Variants in MARCHF1 observed in about 807,000 individuals in gnomAD.
The protein encoded by MARCHF1 is membrane associated ring-CH-type finger 1.
Under a neutral mutation model 54.2 loss-of-function variants are expected in MARCHF1, and 40 were observed. That is an observed-to-expected ratio of 0.74 (90% CI 0.57 to 0.96). The LOEUF is 0.96. Ranked by LOEUF, MARCHF1 falls within the 40% of genes least tolerant of loss-of-function variation. The pLI is 0.00. For synonymous variants in MARCHF1, 236 were observed against 236.3 expected (o/e 1.00, Z 0.01); for missense variants, 586 against 656.5 (o/e 0.89, Z 1.17).
At chr4:163,630,291 A>C (rs1742028052) in intron 5 of MARCHF1, among the ~76,000 whole-genome samples, 1 of 151,472 alleles carries the variant, frequency 6.6e-6, no homozygotes, top group South Asian at 2.1e-4. Context: ...TGCAAAAAAT[A>C]GAAGAATCTC....
intron 2 of MARCHF1, among the ~76,000 whole-genome samples, chr4:164,030,198 CAAAAT>C (rs1753849045): frequency 6.6e-6 from 1 of 150,836 alleles, no homozygotes; most frequent in African/African-American, 2.4e-5. Flanking sequence ...AATATAAAAT[CAAAAT>C]AAACAAAAAT....
intron 1 of MARCHF1, among the ~76,000 whole-genome samples, chr4:164,193,891 C>G (rs77289943): frequency 1.6e-4 from 24 of 152,264 alleles, no homozygotes; most frequent in Admixed American, 3.9e-4. Context: ...TTCACTTACC[C>G]TAAGAAATTT....
intron 5 of MARCHF1, among the ~76,000 whole-genome samples, chr4:163,632,293 G>T (rs1255806783): frequency 6.6e-6 from 1 of 152,218 alleles, no homozygotes; most frequent in Admixed American, 6.5e-5. Context: ...CAGCCTGAGC[G>T]ACGCAGAAGA....
chr4:163,776,509 T>C (rs1418895831), intron 4 of MARCHF1, among the ~76,000 whole-genome samples: 1 of 152,104 alleles, frequency 6.6e-6, no homozygotes, highest in Non-Finnish European at 1.5e-5. Context: ...AATTTTCCAA[T>C]AGTGTTTAGC....
At chr4:164,053,683 G>A (rs1754422071) in intron 2 of MARCHF1, among the ~76,000 whole-genome samples, 1 of 152,088 alleles carries the variant, frequency 6.6e-6, no homozygotes, top group Non-Finnish European at 1.5e-5. Context: ...CACTCCCAAA[G>A]ATAAAAATGA....
At chr4:164,321,052 C>T (rs558680508) in intron 1 of MARCHF1, among the ~76,000 whole-genome samples, 8 of 152,198 alleles carry the variant, frequency 5.3e-5, no homozygotes, top group Admixed American at 2.6e-4. Flanking sequence ...TGTGACACAA[C>T]GGCCACTAGG....
At chr4:164,244,855 T>C (rs1732890802) in intron 1 of MARCHF1, among the ~76,000 whole-genome samples, 2 of 151,804 alleles carry the variant, frequency 1.3e-5, no homozygotes, top group Admixed American at 1.3e-4. Context: ...CTAGAAAATC[T>C]AGAAGAAATG....
chr4:163,566,158 T>C (rs1378160815), intron 8 of MARCHF1, among the ~76,000 whole-genome samples: 2 of 152,340 alleles, frequency 1.3e-5, no homozygotes, highest in South Asian at 2.1e-4. Flanking sequence ...TTATAAAGGA[T>C]TCTTTTAAGG....
intron 4 of MARCHF1, among the ~76,000 whole-genome samples, chr4:163,812,749 C>G (rs1214017926): frequency 6.6e-6 from 1 of 152,168 alleles, no homozygotes; most frequent in African/African-American, 2.4e-5. Flanking sequence ...CACAGCAAGA[C>G]TTCATCTCAA....
intron 1 of MARCHF1, among the ~76,000 whole-genome samples, chr4:164,302,868 T>TAAAAA (rs70952621): frequency 1.8e-5 from 2 of 114,242 alleles, no homozygotes; most frequent in Non-Finnish European, 3.6e-5. Context: ...GAGACTGTCT[T>TAAAAA]AAAAAAAAAA....
At chr4:164,294,168 C>G (rs557559082) in intron 1 of MARCHF1, among the ~76,000 whole-genome samples, 21 of 152,314 alleles carry the variant, frequency 1.4e-4, no homozygotes, top group African/African-American at 4.6e-4. Flanking sequence ...CTTAGGCCTT[C>G]GGCCACAGAC....
At chr4:163,701,338 A>T (rs1057024710) in intron 4 of MARCHF1, among the ~76,000 whole-genome samples, 2 of 152,084 alleles carry the variant, frequency 1.3e-5, no homozygotes, top group African/African-American at 4.8e-5. Context: ...TTGTTATTTT[A>T]CATACTCTGA....
rs1491232125 is a variant in MARCHF1, at chr4:164,356,781, A to AAAAAAAAAAAAAAAAGC, written c.-323+27088_-323+27089insGCTTTTTTTTTTTTTTT. ...AGTATAATAAAAAAAAAAGAAAAGC[A>AAAAAAAAAAAAAAAAGC]AAAAAAAAAAAAATAGTATTGTTAA... On this transcript the variant is annotated intron_variant, in intron 1 of 9. Coordinates refer to ENST00000514618, the MANE Select transcript of MARCHF1 (RefSeq NM_001394959.1). Among the ~76,000 whole-genome samples the AAAAAAAAAAAAAAAAGC allele has an allele frequency of 7.7e-3, 769 of 99,804 alleles. 16 individuals are homozygous for AAAAAAAAAAAAAAAAGC. In the East Asian group the frequency reaches 0.085, roughly 11 times the overall value. 65.5% of individuals were successfully genotyped at this position (99,804 alleles called of 152,430 possible). A position where few individuals can be genotyped will look rare whatever the true frequency, so the allele number is the denominator to read the frequency against.
intron 2 of MARCHF1, among the ~76,000 whole-genome samples, chr4:164,065,493 G>A (rs947079734): frequency 2.6e-5 from 4 of 152,156 alleles, no homozygotes; most frequent in African/African-American, 9.7e-5. Flanking sequence ...TATCAACAGA[G>A]TACACAGATG....
chr4:164,308,159 T>C (rs1412368949), intron 1 of MARCHF1, among the ~76,000 whole-genome samples: 1 of 152,188 alleles, frequency 6.6e-6, no homozygotes, highest in African/African-American at 2.4e-5. Flanking sequence ...ACCACTAAAG[T>C]TGATGTAATA....
intron 4 of MARCHF1, among the ~76,000 whole-genome samples, chr4:163,841,354 T>A (rs930739944): frequency 6.6e-5 from 10 of 152,068 alleles, no homozygotes; most frequent in Non-Finnish European, 1.0e-4. Context: ...TTGGGGAGAC[T>A]ATGCTTGTGT....
chr4:163,973,537 A>G (rs977169004), intron 3 of MARCHF1, among the ~76,000 whole-genome samples: 2 of 152,246 alleles, frequency 1.3e-5, no homozygotes, highest in African/African-American at 4.8e-5. Flanking sequence ...TGGCCAAAGC[A>G]AGTCACATAG....
At chr4:163,823,833 A>G (rs1040354962) in intron 4 of MARCHF1, among the ~76,000 whole-genome samples, 4 of 151,906 alleles carry the variant, frequency 2.6e-5, no homozygotes, top group African/African-American at 9.7e-5. Flanking sequence ...AATTTAATAA[A>G]ACCATAGTCA....
chr4:164,273,723 T>C (rs1733799935), intron 1 of MARCHF1, among the ~76,000 whole-genome samples: 1 of 152,166 alleles, frequency 6.6e-6, no homozygotes, highest in Non-Finnish European at 1.5e-5. Flanking sequence ...CAATAAAATA[T>C]CCTCAGCAAC....
Sources: gnomAD v4.1 joint callset for allele counts (sites outside exome capture counted in the v4.1 genomes callset) on GRCh38, gnomAD v4.1.1 for gene constraint, MANE v1.5 for transcripts, NCBI Gene and HGNC (gene_info 2026-07-23, HGNC 2026-07-21) for gene names.